NLRC5: variants seen among roughly 807,000 people sequenced by gnomAD.
NLRC5 encodes protein NLRC5.
Under a neutral mutation model 206.9 loss-of-function variants are expected in NLRC5, and 114 were observed. That is an observed-to-expected ratio of 0.55 (90% CI 0.47 to 0.64). The LOEUF (loss-of-function observed/expected upper bound fraction) is 0.64, where lower values mean the gene tolerates loss of function less well. Among genes scored for constraint, NLRC5 ranks in the 30% least tolerant of loss-of-function variants. The pLI is 0.00. For missense variants in NLRC5, 2,008 were observed against 2,305.5 expected, an observed-to-expected ratio of 0.87 and a Z score of 2.64; for synonymous variants, 952 against 962.8, an observed-to-expected ratio of 0.99 and a Z score of 0.21.
At chr16:57,046,515 G>C (rs2063996775) in intron 21 of NLRC5, 37 bp from the exon 22 acceptor site, 1 of 1,574,530 alleles carries the variant, frequency 6.4e-7, no homozygotes, top group Admixed American at 1.7e-5. Context: ...CCGAGGGGGT[G>C]ATCTGAACTT....
At chr16:57,025,347 C>T in intron 5 of NLRC5, 21 bp from the exon 6 acceptor site, 1 of 1,518,968 alleles carries the variant, frequency 6.6e-7, no homozygotes, top group South Asian at 1.3e-5. Flanking sequence ...TCTCCTCATG[C>T]CATGTCCCTG....
chr16:57,032,359 C>T (rs1468561544), intron 11 of NLRC5, among the ~76,000 whole-genome samples: 4 of 152,042 alleles, frequency 2.6e-5, no homozygotes, highest in South Asian at 2.1e-4. Flanking sequence ...CACTGTACTC[C>T]AGCCTGGGTG....
chr16:57,036,167 A>C lies in NLRC5; in HGVS notation c.2695A>C (p.Ile899Leu). 1.9e-6 allele frequency: 3 copies of C among 1,613,384 alleles called. No individual in the cohort carries two copies. Among genetic ancestry groups the C allele is most frequent in the Non-Finnish European group, 2.5e-6 (3 of 1,179,964 alleles). Residue 899 changes from isoleucine to leucine, a missense_variant, in exon 14 of 49, where the codon ATC becomes CTC. Physicochemically the swap from Ile to Leu is conservative, Grantham distance 5. Coordinates refer to ENST00000688547, the MANE Select transcript of NLRC5 (RefSeq NM_001384950.1). ...LMAEAASQLH[I>L]ARKLDLSNNG... is the part of the protein sequence containing the mutation. ...GGCAGAGGCTGCATCCCAGCTGCAC[A>C]TCGCCAGGAAGCTGGAGTGAGTTGT...
In NLRC5 at chr16:57,053,264, A is replaced by G. The variant is rs575359741; in HGVS notation, c.3507-1487A>G. The stretch of plus-strand genomic sequence containing the variant: ...TGAGCTGGGACCTAAAGGAAGAGAG[A>G]GAGCTCGCCTTGTGAAGAGCAGGGA... On this transcript the variant is annotated intron_variant, in intron 24 of 48. Coordinates refer to ENST00000688547, the MANE Select transcript of NLRC5 (RefSeq NM_001384950.1). 2.0e-4 allele frequency among the ~76,000 whole-genome samples: 31 copies of G among 152,292 alleles called. 1 individual carries two copies. In the South Asian group the frequency reaches 5.2e-3, roughly 25 times the overall value.
At position 57,017,085 on chromosome 16, in the gene NLRC5, A is replaced by G. The variant is rs1375036867; in HGVS notation, c.-116A>G. 6.5e-6 allele frequency: 1 copy of G among 152,762 alleles called. No individual in the cohort carries two copies. The highest frequency in any genetic ancestry group is 1.5e-5 in the Non-Finnish European group (1 of 68,072). The allele number at this position is 152,762 out of a possible 1,614,324, so 9.5% of individuals were successfully genotyped here. On this transcript the variant is annotated 5_prime_UTR_variant, in exon 2 of 49. It removes an upstream start codon present in the reference 5' UTR. Transcript: ENST00000688547. ...TTCTCTCCCCTTAGGAGTCTGCACTATGGAAACAACCTGTCAATCCAGCTC... is the reference window on the plus strand; with the variant it reads ...TTCTCTCCCCTTAGGAGTCTGCACTGTGGAAACAACCTGTCAATCCAGCTC...
chr16:57,035,799 G>C (rs1003696627), intron 13 of NLRC5, among the ~76,000 whole-genome samples: 1 of 152,282 alleles, frequency 6.6e-6, no homozygotes, highest in East Asian at 1.9e-4. Context: ...GTTCTCCCTC[G>C]AGCAAGTGCC....
chr16:57,023,933 C>G (rs2060971226), intron 5 of NLRC5, 80 bp downstream of exon 5: 1 of 1,320,502 alleles, frequency 7.6e-7, no homozygotes. Flanking sequence ...GGACCTTGTC[C>G]CCTGCCAATA....
chr16:56,992,668 G>A (rs1282802996), intron 1 of NLRC5, among the ~76,000 whole-genome samples: 1 of 151,748 alleles, frequency 6.6e-6, no homozygotes, highest in Non-Finnish European at 1.5e-5. Context: ...GTACAGACAG[G>A]ATTTCACCAT....
chr16:57,022,368 C>T (rs1448379850), intron 4 of NLRC5, 53 bp downstream of exon 4: 12 of 1,513,862 alleles, frequency 7.9e-6, no homozygotes, highest in Non-Finnish European at 1.0e-5. Context: ...TGTGAAGTCC[C>T]CACTTCCAAG....
intron 1 of NLRC5, among the ~76,000 whole-genome samples, chr16:57,009,907 C>A (rs146079860): frequency 6.6e-6 from 1 of 152,032 alleles, no homozygotes. Context: ...CTGACTCCTG[C>A]GTGGAGTAGG....
At chr16:57,065,952 T>C (rs1367121755) in intron 33 of NLRC5, among the ~76,000 whole-genome samples, 1 of 152,138 alleles carries the variant, frequency 6.6e-6, no homozygotes, top group African/African-American at 2.4e-5. Flanking sequence ...AAGCACCCCA[T>C]GAACATAACA....
chr16:57,008,540 T>A (rs2059160970), intron 1 of NLRC5, among the ~76,000 whole-genome samples: 1 of 147,096 alleles, frequency 6.8e-6, no homozygotes, highest in South Asian at 2.2e-4. Context: ...CAAGAAAAAA[T>A]CTCAACATAG....
chr16:56,991,744 C>T (rs1322016582), intron 1 of NLRC5, among the ~76,000 whole-genome samples: 3 of 140,616 alleles, frequency 2.1e-5, no homozygotes, highest in African/African-American at 7.9e-5. Flanking sequence ...AGTGATCAGT[C>T]TGCCTCTGCC....
chr16:57,023,895 G>T, intron 5 of NLRC5, 42 bp downstream of exon 5: 1 of 1,560,732 alleles, frequency 6.4e-7, no homozygotes, highest in Non-Finnish European at 8.7e-7. Context: ...GAGAGATGGG[G>T]TTGCCTGGGG....
At chr16:57,065,838 C>T (rs1476774364) in intron 33 of NLRC5, among the ~76,000 whole-genome samples, 1 of 152,208 alleles carries the variant, frequency 6.6e-6, no homozygotes, top group East Asian at 1.9e-4. Context: ...GTCTGCTGTA[C>T]TGTCACCAGC....
intron 14 of NLRC5, 131 bp downstream of exon 14, chr16:57,036,314 C>T: frequency 1.2e-6 from 1 of 819,198 alleles, no homozygotes; most frequent in Non-Finnish European, 2.0e-6. Context: ...CCAGCAAAGT[C>T]AAGATGGTTT....
At chr16:57,009,814 C>G (rs1466539287) in intron 1 of NLRC5, among the ~76,000 whole-genome samples, 1 of 152,118 alleles carries the variant, frequency 6.6e-6, no homozygotes, top group Non-Finnish European at 1.5e-5. Flanking sequence ...AGGAAGTTGG[C>G]TTTCATTCTG....
At chr16:57,078,500 C>T (rs1417806953) in intron 43 of NLRC5, among the ~76,000 whole-genome samples, 2 of 117,228 alleles carry the variant, frequency 1.7e-5, no homozygotes, top group African/African-American at 7.9e-5. Context: ...TAGATGGAGT[C>T]TCTCTCTGTC....
intron 23 of NLRC5, among the ~76,000 whole-genome samples, chr16:57,049,597 A>T (rs772640306): frequency 2.0e-4 from 31 of 152,182 alleles, no homozygotes; most frequent in Non-Finnish European, 3.7e-4. Context: ...TTAGCCAGGC[A>T]TGGTGGTGCA....
Sources: allele counts gnomAD v4.1 joint callset (sites outside exome capture counted in the v4.1 genomes callset), GRCh38; gene constraint gnomAD v4.1.1; transcripts MANE v1.5; gene names NCBI Gene and HGNC (gene_info 2026-07-23, HGNC 2026-07-21).